Variants in CLYBL observed in about 807,000 individuals in gnomAD.
CLYBL encodes the protein citramalyl-CoA lyase, mitochondrial.
CLYBL carries 31 observed loss-of-function variants against 38.9 expected under a neutral mutation model. The observed-to-expected ratio is 0.80, with a 90% CI of 0.60 to 1.08. The LOEUF (loss-of-function observed/expected upper bound fraction) is 1.08. Ranked by LOEUF, CLYBL falls within the 50% of genes least tolerant of loss-of-function variation. The pLI, the probability that CLYBL is intolerant of heterozygous loss-of-function variation, is 0.00. For synonymous variants in CLYBL, 171 were observed against 158.6 expected (o/e 1.08, Z -0.59); for missense variants, 434 against 411.6 (o/e 1.05, Z -0.47).
At chr13:99,669,229 C>T (rs780251849) in intron 1 of CLYBL, among the ~76,000 whole-genome samples, 2 of 152,082 alleles carry the variant, frequency 1.3e-5, no homozygotes, top group Non-Finnish European at 2.9e-5. Flanking sequence ...CTCTCGAGCT[C>T]TCAACCTCAT....
intron 2 of CLYBL, among the ~76,000 whole-genome samples, chr13:99,780,303 T>G (rs1306235145): frequency 6.6e-6 from 1 of 152,200 alleles, no homozygotes; most frequent in Non-Finnish European, 1.5e-5. Flanking sequence ...ATTTTCATCC[T>G]TTTGCTTTCA....
At chr13:99,863,381 A>G (rs894123743) in intron 4 of CLYBL, among the ~76,000 whole-genome samples, 1 of 152,232 alleles carries the variant, frequency 6.6e-6, no homozygotes, top group Non-Finnish European at 1.5e-5. Flanking sequence ...GTGTAATTAT[A>G]TGCTTTGAAT....
At chr13:99,884,845 C>T (rs2052306487) in intron 7 of CLYBL, 1 of 402,350 alleles carries the variant, frequency 2.5e-6, no homozygotes, top group African/African-American at 2.1e-5. Context: ...TTCCAGGTGA[C>T]TTAAAGATTC....
chr13:99,748,406 G>A (rs2048891240), intron 1 of CLYBL, among the ~76,000 whole-genome samples: 1 of 147,594 alleles, frequency 6.8e-6, no homozygotes, highest in African/African-American at 2.5e-5. Flanking sequence ...ATTCTCCCCT[G>A]GCAACTATCA....
intron 1 of CLYBL, among the ~76,000 whole-genome samples, chr13:99,645,677 TA>T (rs2047167065): frequency 6.6e-6 from 1 of 151,812 alleles, no homozygotes; most frequent in Non-Finnish European, 1.5e-5. Flanking sequence ...ATTAGATTAT[TA>T]AATTTTTTTT....
At chr13:99,645,965 G>A (rs1467574928) in intron 1 of CLYBL, among the ~76,000 whole-genome samples, 2 of 152,104 alleles carry the variant, frequency 1.3e-5, no homozygotes, top group African/African-American at 4.8e-5. Context: ...CAATGTCAGG[G>A]TATCTTCTTT....
Position 99,827,418 on chromosome 13 carries a change from CTTG to C in CLYBL, c.250-31439_250-31437del, listed in dbSNP as rs200664076. Among the ~76,000 whole-genome samples, 33 of 152,260 alleles carry C rather than the reference CTTG, an allele frequency of 2.2e-4. No individual in the cohort carries two copies. In the East Asian group the frequency reaches 6.2e-3, roughly 29 times the overall value. On this transcript the variant is annotated intron_variant, in intron 2 of 8. Coordinates refer to ENST00000339105, the MANE Select transcript of CLYBL (RefSeq NM_206808.5). The stretch of plus-strand genomic sequence containing the variant: ...CCTCCAAAGAGACCATGAGCGTGGT[CTTG>C]TTGATGAGGAATGTAGTCACAGTCA...
At chr13:99,842,870 A>AAAT (rs907706595) in intron 2 of CLYBL, among the ~76,000 whole-genome samples, 32 of 152,258 alleles carry the variant, frequency 2.1e-4, no homozygotes, top group African/African-American at 7.7e-4. Context: ...TGGTGCTTAT[A>AAAT]AATAGCCGCT....
At chr13:99,640,547 T>C (rs1437222447) in intron 1 of CLYBL, among the ~76,000 whole-genome samples, 2 of 152,250 alleles carry the variant, frequency 1.3e-5, no homozygotes, top group Non-Finnish European at 2.9e-5. Flanking sequence ...TGAAAACATT[T>C]AGCAGGCTTC....
chr13:99,783,037 T>C (rs1052546568), intron 2 of CLYBL, among the ~76,000 whole-genome samples: 2 of 152,148 alleles, frequency 1.3e-5, no homozygotes, highest in Non-Finnish European at 2.9e-5. Context: ...TTTTGTTTTT[T>C]GGTTTTTGTT....
rs549005815 is a variant in CLYBL, at chr13:99,717,694, A to C, written c.63-55130A>C. On this transcript the variant is annotated intron_variant, in intron 1 of 8. Coordinates refer to ENST00000339105, the MANE Select transcript of CLYBL (RefSeq NM_206808.5). ...AGGCTGGTCTCAGACTCCTGGGCTC[A>C]AGTGATCCTCCCACCTCAGCCTCCC... Among the ~76,000 whole-genome samples the C allele has an allele frequency of 2.6e-4, 40 of 152,054 alleles. 2 individuals are homozygous for C. In the South Asian group the frequency reaches 6.4e-3, roughly 25 times the overall value.
intron 1 of CLYBL, among the ~76,000 whole-genome samples, chr13:99,650,343 G>C (rs909129601): frequency 3.9e-5 from 6 of 152,226 alleles, no homozygotes; most frequent in Non-Finnish European, 7.4e-5. Flanking sequence ...GATTGCTTGA[G>C]CCCAGGAGTT....
At chr13:99,891,607 C>T (rs2152132602) in intron 8 of CLYBL, 170 bp downstream of exon 8, 1 of 532,222 alleles carries the variant, frequency 1.9e-6, no homozygotes, top group Non-Finnish European at 3.3e-6. Context: ...ACGCTTTTCC[C>T]TTTGGATCCA....
At chr13:99,818,780 A>C (rs975662314) in intron 2 of CLYBL, among the ~76,000 whole-genome samples, 8 of 152,172 alleles carry the variant, frequency 5.3e-5, no homozygotes, top group Non-Finnish European at 1.2e-4. Flanking sequence ...ACTTAGTTGC[A>C]GTAACAGTTT....
At chr13:99,726,742 G>A (rs548633831) in intron 1 of CLYBL, 1 of 152,078 alleles carries the variant, frequency 6.6e-6, no homozygotes, top group Admixed American at 6.5e-5. Flanking sequence ...CCCTAAGGCA[G>A]TAGTGTCTGT....
chr13:99,715,046 T>C (rs184249687), intron 1 of CLYBL, among the ~76,000 whole-genome samples: 1 of 152,318 alleles, frequency 6.6e-6, no homozygotes, highest in East Asian at 1.9e-4. Flanking sequence ...GGTTATCAGC[T>C]GGGGGCCCAC....
At chr13:99,725,851 C>T (rs1002897557) in intron 1 of CLYBL, among the ~76,000 whole-genome samples, 7 of 152,226 alleles carry the variant, frequency 4.6e-5, no homozygotes, top group African/African-American at 1.2e-4. Context: ...GCAGGAGGGT[C>T]GGTTCTTGGG....
At chr13:99,721,817 T>C (rs982557124) in intron 1 of CLYBL, among the ~76,000 whole-genome samples, 1 of 152,112 alleles carries the variant, frequency 6.6e-6, no homozygotes, top group African/African-American at 2.4e-5. Context: ...GTTCCTGGCC[T>C]GGTTGGAATT....
intron 9 of CLYBL, among the ~76,000 whole-genome samples, chr13:99,906,286 T>C (rs995892222): frequency 5.3e-5 from 8 of 152,184 alleles, no homozygotes; most frequent in Non-Finnish European, 1.2e-4. Flanking sequence ...AAAATGGACA[T>C]TTAAAAGTTT....
Sources: allele counts gnomAD v4.1 joint callset (sites outside exome capture counted in the v4.1 genomes callset), GRCh38; gene constraint gnomAD v4.1.1; transcripts MANE v1.5; gene names NCBI Gene and HGNC (gene_info 2026-07-23, HGNC 2026-07-21).